The following NEIL2 variants were observed in gnomAD, a reference collection of about 807,000 sequenced individuals.
NEIL2 encodes the protein nei like DNA glycosylase 2.
Under a neutral mutation model 22.2 loss-of-function variants are expected in NEIL2, and 23 were observed. The ratio of observed to expected loss-of-function variants is 1.04; its 90% CI spans 0.75 to 1.47. NEIL2 has a LOEUF of 1.47. NEIL2 is among the 40% of genes most tolerant of loss of function. The probability of loss-of-function intolerance (pLI) is 0.00; values close to 1 mark genes in which losing one functional copy is unlikely to be tolerated. For missense variants in NEIL2, 583 were observed against 404.7 expected (o/e 1.44, Z -3.78); for synonymous variants, 229 against 164.8 (o/e 1.39, Z -2.99).
Position 11,781,127 on chromosome 8 carries a change from C to G in NEIL2, c.491+1177C>G, listed in dbSNP as rs151067991. ...GAGAAAGTCACATGCCTTCTATTTT[C>G]TGAAGTTTTATAACTTGTAAAAATG... On this transcript the variant is annotated intron_variant, in intron 3 of 4. Coordinates refer to ENST00000284503, the MANE Select transcript of NEIL2 (RefSeq NM_145043.4). Among the ~76,000 whole-genome samples the G allele has an allele frequency of 9.1e-4, 138 of 152,080 alleles. No individual in the cohort carries two copies. In the East Asian group the frequency reaches 0.017, roughly 19 times the overall value.
chr8:11,784,286 A>G (rs1246704249), intron 4 of NEIL2, among the ~76,000 whole-genome samples: 1 of 152,196 alleles, frequency 6.6e-6, no homozygotes, highest in African/African-American at 2.4e-5. Flanking sequence ...TTGGGTATAT[A>G]TGGCAAGAGC....
chr8:11,770,397 T>G (rs1185786894), intron 1 of NEIL2, 62 bp downstream of exon 1: 1 of 151,948 alleles, frequency 6.6e-6, no homozygotes, highest in Admixed American at 6.6e-5. Context: ...CCCTGGGGAG[T>G]GTCTGGAAAG....
At chr8:11,782,843 G>A (rs912245218) in intron 3 of NEIL2, 13 of 329,362 alleles carry the variant, frequency 3.9e-5, no homozygotes, top group Non-Finnish European at 5.2e-5. Context: ...ATATTGTAAC[G>A]ATGTGGGGAT....
intron 2 of NEIL2, among the ~76,000 whole-genome samples, chr8:11,779,102 A>G (rs1043960432): frequency 1.3e-5 from 2 of 151,956 alleles, no homozygotes; most frequent in South Asian, 2.1e-4. Flanking sequence ...TTTTTGTTTC[A>G]GTATCTAATT....
In NEIL2 at chr8:11,786,177, G is replaced by T. The variant is rs369923124; in HGVS notation, c.903G>T (p.Ala301=). 6.2e-7 allele frequency: 1 copy of T among 1,613,756 alleles called. No individual in the cohort carries two copies. The highest frequency in any genetic ancestry group is 1.1e-5 in the South Asian group (1 of 91,068). ...CPAGHQVMKE[A]FGPEDGLQRL... is the part of the protein sequence containing the mutation. ...CTGGCCACCAGGTCATGAAGGAGGC[G>T]TTTGGGCCCGAAGATGGGTTACAGA... Residue 301 remains alanine (A), a synonymous_variant, in exon 5 of 5, where the codon GCG becomes GCT. Transcript: ENST00000284503.
At chr8:11,784,023 A>C (rs1405112754) in intron 4 of NEIL2, among the ~76,000 whole-genome samples, 1 of 151,320 alleles carries the variant, frequency 6.6e-6, no homozygotes, top group Admixed American at 6.6e-5. Context: ...TAGCGGGACT[A>C]TGACAGCGTG....
chr8:11,771,612 G>A, intron 2 of NEIL2, 27 bp downstream of exon 2: 1 of 1,602,128 alleles, frequency 6.2e-7, no homozygotes, highest in Non-Finnish European at 8.5e-7. Flanking sequence ...CTGAAGGGTT[G>A]GCTCTGTCGC....
At chr8:11,782,845 T>C (rs999126193) in intron 3 of NEIL2, 4 of 344,482 alleles carry the variant, frequency 1.2e-5, no homozygotes, top group African/African-American at 9.5e-5. Flanking sequence ...ATTGTAACGA[T>C]GTGGGGATGT....
rs183337763 is a variant in NEIL2 at position 11,780,961 on chromosome 8, G to A, written c.491+1011G>A. Among the ~76,000 whole-genome samples, 9 of 152,288 alleles carry A rather than the reference G, an allele frequency of 5.9e-5. No individual in the cohort carries two copies. The East Asian group carries it at 1.7e-3, about 29-fold the overall frequency. ...ACATGTGTTGCCAGTATTGTTTCAA[G>A]TCTGTCCTCTGTCCTTTGATTGTGC... On this transcript the variant is annotated intron_variant, in intron 3 of 4. Transcript: ENST00000284503.
At position 11,779,639 on chromosome 8, in the gene NEIL2, A is replaced by G. The variant is rs1804216943; in HGVS notation, c.180A>G (p.Glu60=). 1.9e-6 allele frequency: 3 copies of G among 1,613,650 alleles called. No homozygotes were observed. Among genetic ancestry groups the G allele is most frequent in the South Asian group, 1.1e-5 (1 of 91,082 alleles). ...TATTCCTTAGATTTGATCTAGATGAAGAAATGGGGCCCCCTGGCAGCAGCC... is the reference window on the plus strand; with the variant it reads ...TATTCCTTAGATTTGATCTAGATGAGGAAATGGGGCCCCCTGGCAGCAGCC... The part of the protein sequence containing the change: ...KKLFLRFDLD[E]EMGPPGSSPT... The change falls in exon 3 of 5, where the codon GAA becomes GAG. Residue 60 remains glutamate (E), a synonymous_variant. Coordinates refer to ENST00000284503, the MANE Select transcript of NEIL2 (RefSeq NM_145043.4).
At chr8:11,780,382 T>C (rs1804302677) in intron 3 of NEIL2, among the ~76,000 whole-genome samples, 1 of 152,186 alleles carries the variant, frequency 6.6e-6, no homozygotes, top group African/African-American at 2.4e-5. Flanking sequence ...CTTGATGAGT[T>C]TTTTTGCTTT....
Position 11,771,598 on chromosome 8 carries a change from T to C in NEIL2, c.138+13T>C, listed in dbSNP as rs1333474855. ...CCAGGACACCCAGGTGAGGTAATAC[T>C]CCTCTGAAGGGTTGGCTCTGTCGCC... On this transcript the variant is annotated intron_variant, in intron 2 of 4. Transcript: ENST00000284503. The C allele has an allele frequency of 1.2e-6, 2 of 1,610,528 alleles. No homozygotes were observed. The highest frequency in any genetic ancestry group is 2.2e-5 in the East Asian group (1 of 44,776).
chr8:11,773,855 C>G (rs1281985043), intron 2 of NEIL2, among the ~76,000 whole-genome samples: 1 of 152,202 alleles, frequency 6.6e-6, no homozygotes, highest in African/African-American at 2.4e-5. Flanking sequence ...TTTTCTCCTC[C>G]TCCAGTAATG....
chr8:11,778,633 T>G (rs1804112928), intron 2 of NEIL2, among the ~76,000 whole-genome samples: 1 of 151,878 alleles, frequency 6.6e-6, no homozygotes, highest in African/African-American at 2.4e-5. Flanking sequence ...ATATTGCATA[T>G]CAGGAGGTGC....
rs753102938 is a variant in NEIL2 at position 11,771,481 on chromosome 8, C to G, written c.34C>G (p.His12Asp). ...PEGPLVRKFH[H>D]LVSPFVGQQV... ...AGGGCCGTTGGTGAGGAAATTTCAC[C>G]ATTTGGTCTCCCCCTTTGTGGGTCA... Residue 12 changes from histidine to aspartate, a missense_variant, in exon 2 of 5, where the codon CAT becomes GAT. Coordinates refer to ENST00000284503, the MANE Select transcript of NEIL2 (RefSeq NM_145043.4). 11 of 1,614,066 alleles carry G rather than the reference C, an allele frequency of 6.8e-6. No homozygotes were observed. In the Middle Eastern group the frequency reaches 5.0e-4, roughly 73 times the overall value.
rs1368452537 is a variant in NEIL2, at chr8:11,779,883, T to C, written c.424T>C (p.Trp142Arg). ...CAGCTTTGGTTTGTTTGGCAGCGTT[T>C]GGGTGAACGATTTCTCCAGAGCCAA... Reference protein sequence around the residue: ...RVSFGLFGSVWVNDFSRAKKA... With the variant: ...RVSFGLFGSVRVNDFSRAKKA... The change falls in exon 3 of 5, where the codon TGG (tryptophan) becomes CGG (arginine). Residue 142 changes from tryptophan (W) to arginine (R), a missense_variant. Coordinates refer to ENST00000284503, the MANE Select transcript of NEIL2 (RefSeq NM_145043.4). 1 of 1,614,126 alleles carries C rather than the reference T, an allele frequency of 6.2e-7. No homozygotes were observed. Among genetic ancestry groups the C allele is most frequent in the Non-Finnish European group, 8.5e-7 (1 of 1,180,022 alleles).
chr8:11,776,231 G>C (rs1803893105), intron 2 of NEIL2, among the ~76,000 whole-genome samples: 1 of 152,242 alleles, frequency 6.6e-6, no homozygotes, highest in African/African-American at 2.4e-5. Context: ...GCATGTGCAG[G>C]GGAACTGCCC....
intron 2 of NEIL2, among the ~76,000 whole-genome samples, chr8:11,771,825 T>C (rs1022588256): frequency 3.3e-5 from 5 of 152,098 alleles, no homozygotes; most frequent in Admixed American, 6.6e-5. Flanking sequence ...GGGTCTGGAG[T>C]GCTCCTATTC....
intron 4 of NEIL2, among the ~76,000 whole-genome samples, chr8:11,785,574 T>C (rs1003096301): frequency 3.9e-5 from 6 of 152,202 alleles, no homozygotes; most frequent in Non-Finnish European, 8.8e-5. Flanking sequence ...TGAATTCTCA[T>C]TTAATGCTCA....
Sources: gnomAD v4.1 joint callset for allele counts (sites outside exome capture counted in the v4.1 genomes callset) on GRCh38, gnomAD v4.1.1 for gene constraint, MANE v1.5 for transcripts, NCBI Gene and HGNC (gene_info 2026-07-23, HGNC 2026-07-21) for gene names.